CDO1: variants seen among roughly 807,000 people sequenced by gnomAD.
CDO1 encodes cysteine dioxygenase type 1, also known as cysteine dioxygenase, type I.
A neutral mutation model predicts 24.5 loss-of-function variants in CDO1; 19 were observed. That is an observed-to-expected ratio of 0.77 (90% confidence interval 0.54 to 1.14). The LOEUF is 1.14. Ranked by LOEUF, CDO1 falls within the 50% of genes most tolerant of loss-of-function variation. The pLI is 0.00. For synonymous variants in CDO1, 91 were observed against 87.0 expected, an observed-to-expected ratio of 1.05 and a Z score of -0.26; for missense variants, 244 against 244.8, an observed-to-expected ratio of 1.00 and a Z score of 0.02.
intron 3 of CDO1, among the ~76,000 whole-genome samples, chr5:115,807,085 C>A (rs944469745): frequency 6.6e-6 from 1 of 152,016 alleles, no homozygotes; most frequent in African/African-American, 2.4e-5. Context: ...AAGAGATCAA[C>A]TTGGGACTGA....
chr5:115,816,272 G>A lies in CDO1; in HGVS notation c.126C>T (p.Ser42=). Residue 42 remains serine, a synonymous_variant, in exon 1 of 5, where the codon AGC becomes AGT. Coordinates refer to ENST00000250535, the MANE Select transcript of CDO1 (RefSeq NM_001801.3). ...EVQAIMEAYE[S]DPTEWAMYAK... ...CGTACATTGCCCACTCGGTGGGGTC[G>A]CTCTCGTAGGCTTCCATGATGGCCT... 1.2e-6 allele frequency: 2 copies of A among 1,614,154 alleles called. 1 individual carries two copies. Among genetic ancestry groups the A allele is most frequent in the Middle Eastern group, 3.3e-4 (2 of 6,062 alleles).
At chr5:115,808,346 G>T (rs1298845927) in intron 3 of CDO1, among the ~76,000 whole-genome samples, 4 of 152,156 alleles carry the variant, frequency 2.6e-5, no homozygotes, top group Non-Finnish European at 5.9e-5. Context: ...GGTTCTGAGG[G>T]AAGATGTTTA....
chr5:115,815,090 G>A (rs546169947), intron 1 of CDO1, among the ~76,000 whole-genome samples: 13 of 152,182 alleles, frequency 8.5e-5, no homozygotes, highest in Admixed American at 3.3e-4. Context: ...AGTTGAAACC[G>A]CCCATGCCAA....
chr5:115,805,691 C>A (rs1408181241), intron 4 of CDO1, among the ~76,000 whole-genome samples: 5 of 152,202 alleles, frequency 3.3e-5, no homozygotes, highest in Non-Finnish European at 7.3e-5. Flanking sequence ...TCAGAGGCTG[C>A]GCTTTCATTA....
intron 2 of CDO1, among the ~76,000 whole-genome samples, chr5:115,811,831 T>C (rs1046576784): frequency 1.3e-5 from 2 of 152,230 alleles, no homozygotes; most frequent in Admixed American, 6.5e-5. Flanking sequence ...GGTATCTATA[T>C]GTGTATTACC....
chr5:115,814,041 A>T (rs548819504), intron 1 of CDO1: 1 of 152,428 alleles, frequency 6.6e-6, no homozygotes, highest in African/African-American at 2.4e-5. Flanking sequence ...TTTCATAATT[A>T]TGACATTCAT....
Position 115,811,229 on chromosome 5 carries a change from T to G in CDO1, c.335A>C (p.Lys112Thr), listed in dbSNP as rs748982944. The G allele has an allele frequency of 6.2e-7, 1 of 1,613,838 alleles. No individual in the cohort carries two copies. The highest frequency in any genetic ancestry group is 1.3e-5 in the African/African-American group (1 of 75,044). Reference sequence around the variant, plus strand: ...CTTCTTGACCATCTCATTGGATTTTTTGTCAGGCCAGGCAAATAATGTCTC... The same window carrying G: ...CTTCTTGACCATCTCATTGGATTTTGTGTCAGGCCAGGCAAATAATGTCTC... ...LKETLFAWPDKKSNEMVKKSE... is the reference protein window; with the variant it reads ...LKETLFAWPDTKSNEMVKKSE... Residue 112 changes from lysine (K) to threonine (T), a missense_variant, in exon 3 of 5, where the codon AAA becomes ACA. Transcript: ENST00000250535.
intron 4 of CDO1, 58 bp downstream of exon 4, chr5:115,806,291 A>G (rs1759940699): frequency 2.2e-5 from 26 of 1,157,572 alleles, no homozygotes; most frequent in South Asian, 1.6e-5. Flanking sequence ...CTTTGCATAC[A>G]TGCAGTGTAA....
chr5:115,815,723 C>T (rs1760401308), intron 1 of CDO1, among the ~76,000 whole-genome samples: 1 of 152,198 alleles, frequency 6.6e-6, no homozygotes, highest in Admixed American at 6.5e-5. Context: ...ACATCACACA[C>T]TTCTCCCGAT....
At chr5:115,815,202 C>T (rs1760375589) in intron 1 of CDO1, among the ~76,000 whole-genome samples, 2 of 152,116 alleles carry the variant, frequency 1.3e-5, no homozygotes, top group Admixed American at 6.5e-5. Flanking sequence ...TTTCACTTAC[C>T]CCTTTCTCCT....
rs562541172 is a variant in CDO1, at chr5:115,807,981, AAAAAACAAAAAAAAC to A, written c.404-1478_404-1464del. Among the ~76,000 whole-genome samples the A allele has an allele frequency of 2.5e-3, 368 of 146,230 alleles. 3 individuals are homozygous for A. The highest frequency in any genetic ancestry group is 9.8e-3 in the African/African-American group (351 of 35,740). On this transcript the variant is annotated intron_variant, in intron 3 of 4. Transcript: ENST00000250535. Reference sequence around the variant, plus strand: ...CAGAATGGGACCAGGTTTTTTTAAAAAAAAACAAAAAAAACAAAAACAGGGTCTCATTCTGCTGTC... The same window carrying A: ...CAGAATGGGACCAGGTTTTTTTAAAAAAAAACAGGGTCTCATTCTGCTGTC...
At chr5:115,815,215 C>T (rs1580547855) in intron 1 of CDO1, among the ~76,000 whole-genome samples, 1 of 152,142 alleles carries the variant, frequency 6.6e-6, no homozygotes, top group African/African-American at 2.4e-5. Context: ...TTTCTCCTAA[C>T]CCTAAACCCA....
chr5:115,814,803 G>C (rs1157893195), intron 1 of CDO1, among the ~76,000 whole-genome samples: 1 of 152,212 alleles, frequency 6.6e-6, no homozygotes, highest in Admixed American at 6.5e-5. Flanking sequence ...GCTATCGATA[G>C]AAGACCTAGT....
intron 3 of CDO1, among the ~76,000 whole-genome samples, chr5:115,809,075 T>C (rs1458529816): frequency 1.3e-5 from 2 of 152,204 alleles, no homozygotes; most frequent in East Asian, 3.8e-4. Context: ...CTGTAGCTTG[T>C]TGTGTTCATA....
chr5:115,814,409 G>T (rs929673563), intron 1 of CDO1: 1 of 152,158 alleles, frequency 6.6e-6, no homozygotes, highest in African/African-American at 2.4e-5. Flanking sequence ...GCCCACACGG[G>T]AGCATATTCT....
At position 115,813,167 on chromosome 5, in the gene CDO1, A is replaced by C; in HGVS notation, c.248+14T>G. 1 of 1,454,902 alleles carries C rather than the reference A, an allele frequency of 6.9e-7. No homozygotes were observed. The highest frequency in any genetic ancestry group is 9.6e-7 in the Non-Finnish European group (1 of 1,036,570). The allele number at this position is 1,454,902 out of a possible 1,614,324, so 90.1% of individuals were successfully genotyped here. A position where few individuals can be genotyped will look rare whatever the true frequency, so the allele number is the denominator to read the frequency against. ...ATGCTCTAATAAATATCTGTGAATG[A>C]ATAGTTATTTTACCTGCCATGTCCT... On this transcript the variant is annotated intron_variant, in intron 2 of 4. Transcript: ENST00000250535.
chr5:115,815,351 G>T (rs1354303107), intron 1 of CDO1, among the ~76,000 whole-genome samples: 1 of 152,008 alleles, frequency 6.6e-6, no homozygotes, highest in East Asian at 1.9e-4. Flanking sequence ...CACCAAGCCG[G>T]GGCTGCAAAA....
intron 1 of CDO1, 41 bp from the exon 2 acceptor site, chr5:115,813,299 C>G (rs1475791478): frequency 1.8e-6 from 2 of 1,089,926 alleles, no homozygotes; most frequent in Admixed American, 3.5e-5. Context: ...AAGTTCGTTG[C>G]TGAAACAAGC....
At chr5:115,808,506 G>T (rs1760047406) in intron 3 of CDO1, among the ~76,000 whole-genome samples, 1 of 151,962 alleles carries the variant, frequency 6.6e-6, no homozygotes, top group Non-Finnish European at 1.5e-5. Flanking sequence ...CAAAACAAGG[G>T]CATCAACCAA....
Sources: allele counts gnomAD v4.1 joint callset (sites outside exome capture counted in the v4.1 genomes callset), GRCh38; gene constraint gnomAD v4.1.1; transcripts MANE v1.5; gene names NCBI Gene and HGNC (gene_info 2026-07-23, HGNC 2026-07-21).